ALK: variants seen among roughly 807,000 people sequenced by gnomAD.
The protein encoded by ALK is ALK tyrosine kinase receptor.
ALK carries 74 observed loss-of-function variants against 163.1 expected under a neutral mutation model. The ratio of observed to expected loss-of-function variants is 0.45; its 90% CI spans 0.38 to 0.55. The LOEUF (loss-of-function observed/expected upper bound fraction) is 0.55, where lower values mean the gene tolerates loss of function less well. ALK is among the 20% of genes least tolerant of loss of function. ALK has a pLI of 0.00. For missense variants in ALK, 2,063 were observed against 2,105.3 expected (o/e 0.98, Z 0.39); for synonymous variants, 960 against 843.2 (o/e 1.14, Z -2.40).
At chr2:29,863,951 C>T (rs1443934123) in intron 1 of ALK, among the ~76,000 whole-genome samples, 1 of 152,220 alleles carries the variant, frequency 6.6e-6, no homozygotes, top group South Asian at 2.1e-4. Flanking sequence ...TTTCTCCCAA[C>T]AGCCTGTCGT....
intron 8 of ALK, among the ~76,000 whole-genome samples, chr2:29,298,935 A>G (rs1188240995): frequency 6.6e-6 from 1 of 152,100 alleles, no homozygotes; most frequent in Non-Finnish European, 1.5e-5. Context: ...TCCTTTGTCT[A>G]CAAATAAGAT....
chr2:29,870,108 A>T (rs1206342771), intron 1 of ALK, among the ~76,000 whole-genome samples: 2 of 152,246 alleles, frequency 1.3e-5, no homozygotes, highest in Non-Finnish European at 2.9e-5. Context: ...ATTTGACAAC[A>T]CACATCATAA....
intron 4 of ALK, among the ~76,000 whole-genome samples, chr2:29,478,525 C>G (rs1287688037): frequency 1.3e-5 from 2 of 152,234 alleles, no homozygotes; most frequent in Non-Finnish European, 2.9e-5. Context: ...CTTTCCATGA[C>G]TCCCTTACCC....
At chr2:29,520,949 G>C (rs973913772) in intron 4 of ALK, among the ~76,000 whole-genome samples, 4 of 152,148 alleles carry the variant, frequency 2.6e-5, no homozygotes, top group African/African-American at 9.7e-5. Context: ...ATTCCAACAT[G>C]GGGCTTCCTG....
In ALK at chr2:29,200,745, A is replaced by ATACATACG. The variant is rs1450497952; in HGVS notation, c.3939-3070_3939-3069insCGTATGTA. Among the ~76,000 whole-genome samples the ATACATACG allele has an allele frequency of 3.7e-5, 4 of 108,942 alleles. 1 individual carries two copies. Among genetic ancestry groups the ATACATACG allele is most frequent in the African/African-American group, 6.1e-5 (1 of 16,422 alleles). The allele number at this position is 108,942 out of a possible 152,430, so 71.5% of individuals were successfully genotyped here. On this transcript the variant is annotated intron_variant, in intron 26 of 28. Transcript: ENST00000389048. ...CGTATATATGTATATATATACGTATATATATACGTATATATGTATATATAT... is the reference window on the plus strand; with the variant it reads ...CGTATATATGTATATATATACGTATATACATACGTATATACGTATATATGTATATATAT...
intron 4 of ALK, among the ~76,000 whole-genome samples, chr2:29,501,678 T>A (rs1672192526): frequency 6.6e-6 from 1 of 152,228 alleles, no homozygotes; most frequent in African/African-American, 2.4e-5. Context: ...CATTTTTTTT[T>A]ATTGTGGTAA....
intron 1 of ALK, among the ~76,000 whole-genome samples, chr2:29,891,830 G>A (rs952039552): frequency 6.6e-6 from 1 of 152,174 alleles, no homozygotes; most frequent in African/African-American, 2.4e-5. Context: ...CAGCAGGACT[G>A]CAAGGAAGGG....
At chr2:29,493,169 C>T (rs1375176355) in intron 4 of ALK, among the ~76,000 whole-genome samples, 2 of 152,182 alleles carry the variant, frequency 1.3e-5, no homozygotes, top group Admixed American at 6.5e-5. Context: ...ATTGGTGTCT[C>T]TCTGTCCTCT....
intron 5 of ALK, among the ~76,000 whole-genome samples, chr2:29,374,625 T>C (rs1668711650): frequency 6.6e-6 from 1 of 152,156 alleles, no homozygotes; most frequent in African/African-American, 2.4e-5. Context: ...AAGCTGGGAT[T>C]TGAAAGATGT....
chr2:29,857,300 T>C (rs1217658840), intron 1 of ALK, among the ~76,000 whole-genome samples: 3 of 152,162 alleles, frequency 2.0e-5, no homozygotes, highest in African/African-American at 7.2e-5. Flanking sequence ...TTCAGAGAGC[T>C]GAGTTCTCAA....
intron 1 of ALK, among the ~76,000 whole-genome samples, chr2:29,829,082 G>T (rs1457555582): frequency 4.1e-5 from 6 of 145,994 alleles, no homozygotes; most frequent in Non-Finnish European, 7.4e-5. Flanking sequence ...ACCAAACACC[G>T]CATGTTCTCA....
intron 3 of ALK, among the ~76,000 whole-genome samples, chr2:29,569,148 T>C (rs1558388414): frequency 6.6e-6 from 1 of 152,158 alleles, no homozygotes; most frequent in Non-Finnish European, 1.5e-5. Flanking sequence ...AACCTGCCTA[T>C]GGCTTAAACT....
intron 4 of ALK, among the ~76,000 whole-genome samples, chr2:29,403,893 CAGAG>C (rs1351031439): frequency 6.6e-6 from 1 of 151,872 alleles, no homozygotes; most frequent in African/African-American, 2.4e-5. Context: ...ACTTGAGCAA[CAGAG>C]AGAGACCCTG....
At chr2:29,224,738 G>A (rs1663894427) in intron 19 of ALK, 1 of 216,946 alleles carries the variant, frequency 4.6e-6, no homozygotes, top group African/African-American at 2.3e-5. Flanking sequence ...CATGCAACAA[G>A]TGTTAGCTCC....
intron 9 of ALK, among the ~76,000 whole-genome samples, chr2:29,288,957 AATAAATAAAT>A (rs1187071840): frequency 0.011 from 268 of 25,062 alleles, 24 homozygotes; most frequent in African/African-American, 0.017. Context: ...TTCTCAAAAA[AATAAATAAAT>A]AAATAAATAA....
intron 25 of ALK, chr2:29,208,115 GATAT>G (rs1377671404): frequency 2.2e-6 from 1 of 449,162 alleles, no homozygotes; most frequent in Non-Finnish European, 4.5e-6. Context: ...GGAAGAAATG[GATAT>G]ATATGCATTG....
Position 29,594,864 on chromosome 2 carries a change from A to C in ALK, c.953-62748T>G, listed in dbSNP as rs375226048. The stretch of plus-strand genomic sequence containing the variant: ...CACTTCTTTCAAAAGAATGCAGTGA[A>C]GCTGAGACCTCTATTTTTCTAAACA... On this transcript the variant is annotated intron_variant, in intron 3 of 28. Transcript: ENST00000389048. Among the ~76,000 whole-genome samples the C allele has an allele frequency of 1.8e-3, 212 of 116,806 alleles. 2 individuals carry two copies. Among genetic ancestry groups the C allele is most frequent in the African/African-American group, 6.9e-3 (203 of 29,484 alleles). The allele number at this position is 116,806 out of a possible 152,430, so 76.6% of individuals were successfully genotyped here. A position where few individuals can be genotyped will look rare whatever the true frequency, so the allele number is the denominator to read the frequency against.
At chr2:29,616,581 C>T (rs1188194527) in intron 3 of ALK, among the ~76,000 whole-genome samples, 1 of 152,158 alleles carries the variant, frequency 6.6e-6, no homozygotes, top group Non-Finnish European at 1.5e-5. Flanking sequence ...GGCGAGGGCT[C>T]TGGACTCAGT....
At chr2:29,251,775 T>C (rs185436358) in intron 11 of ALK, among the ~76,000 whole-genome samples, 2 of 152,202 alleles carry the variant, frequency 1.3e-5, no homozygotes, top group African/African-American at 2.4e-5. Flanking sequence ...GCATTGCCTA[T>C]AGGAGCCTCT....
Sources: allele counts gnomAD v4.1 joint callset (sites outside exome capture counted in the v4.1 genomes callset), GRCh38; gene constraint gnomAD v4.1.1; transcripts MANE v1.5; gene names NCBI Gene and HGNC (gene_info 2026-07-23, HGNC 2026-07-21).